Variants in SMAD1 observed in about 807,000 individuals in gnomAD.
The protein encoded by SMAD1 is SMAD family member 1, also known as MAD, mothers against decapentaplegic homolog 1.
A neutral mutation model predicts 41.6 loss-of-function variants in SMAD1; 6 were observed. The observed-to-expected ratio is 0.14, with a 90% CI of 0.08 to 0.28. SMAD1 has a LOEUF of 0.28. Ranked by LOEUF, SMAD1 falls within the 10% of genes least tolerant of loss-of-function variation. The pLI is 1.00. For synonymous variants in SMAD1, 206 were observed against 203.2 expected (o/e 1.01, Z -0.12); for missense variants, 379 against 582.6 (o/e 0.65, Z 3.60).
intron 2 of SMAD1, among the ~76,000 whole-genome samples, chr4:145,522,801 T>A (rs1246283514): frequency 1.3e-5 from 2 of 151,936 alleles, no homozygotes; most frequent in Non-Finnish European, 2.9e-5. Flanking sequence ...TGCCTCAGCC[T>A]CCTCAGTAGC....
At position 145,514,688 on chromosome 4, in the gene SMAD1, A is replaced by G; in HGVS notation, c.75A>G (p.Glu25=). 6.2e-7 allele frequency: 1 copy of G among 1,614,114 alleles called. No homozygotes were observed. The highest frequency in any genetic ancestry group is 2.2e-5 in the East Asian group (1 of 44,874). The change falls in exon 2 of 7, where the codon GAA becomes GAG. Residue 25 remains glutamate, a synonymous_variant. Transcript: ENST00000302085. The surrounding 1 kb of genome is among the most constrained non-coding windows in gnomAD (Gnocchi z 4.7). ...TTCTTGGGTGGAAACAGGGCGATGAAGAAGAAAAATGGGCAGAGAAAGCTG... is the reference window on the plus strand; with the variant it reads ...TTCTTGGGTGGAAACAGGGCGATGAGGAAGAAAAATGGGCAGAGAAAGCTG... ...KRLLGWKQGD[E]EEKWAEKAVD...
chr4:145,507,559 A>C (rs1054980722), intron 1 of SMAD1, among the ~76,000 whole-genome samples: 1 of 151,794 alleles, frequency 6.6e-6, no homozygotes, highest in Non-Finnish European at 1.5e-5. Flanking sequence ...TGCAAAAACA[A>C]TTTTCCCTTT....
At chr4:145,496,057 T>C (rs1013451855) in intron 1 of SMAD1, among the ~76,000 whole-genome samples, 1 of 152,206 alleles carries the variant, frequency 6.6e-6, no homozygotes, top group Admixed American at 6.5e-5. Flanking sequence ...AATGTCTTAT[T>C]CTAAGCTCTT....
intron 1 of SMAD1, chr4:145,497,760 A>G (rs998518996): frequency 5.3e-5 from 8 of 152,204 alleles, no homozygotes; most frequent in African/African-American, 1.7e-4. Flanking sequence ...ACCTAATTCT[A>G]TAGGTGATGC....
At chr4:145,486,292 T>C (rs1036161486) in intron 1 of SMAD1, among the ~76,000 whole-genome samples, 3 of 152,342 alleles carry the variant, frequency 2.0e-5, no homozygotes, top group African/African-American at 7.2e-5. Context: ...TATCTCTGCT[T>C]TTCTGCATAA....
At chr4:145,511,680 C>T (rs1215846752) in intron 1 of SMAD1, among the ~76,000 whole-genome samples, 1 of 152,134 alleles carries the variant, frequency 6.6e-6, no homozygotes, top group East Asian at 1.9e-4. Flanking sequence ...GTAAATTATA[C>T]TTTACCATGG....
At chr4:145,525,572 G>A (rs1730979333) in intron 2 of SMAD1, 1 of 149,198 alleles carries the variant, frequency 6.7e-6, no homozygotes, top group Non-Finnish European at 1.5e-5. Context: ...GCTGAATCTA[G>A]TTTGAATGTC....
chr4:145,529,281 A>G (rs368825362), intron 2 of SMAD1, among the ~76,000 whole-genome samples: 14 of 152,060 alleles, frequency 9.2e-5, no homozygotes, highest in African/African-American at 3.4e-4. Flanking sequence ...ACCTCTAACA[A>G]CTCTCGAAGT....
chr4:145,512,677 T>C (rs1020527936), intron 1 of SMAD1, among the ~76,000 whole-genome samples: 10 of 152,228 alleles, frequency 6.6e-5, no homozygotes, highest in Admixed American at 2.0e-4. Context: ...AAAGTCTGTT[T>C]CTGGTAACTC....
intron 2 of SMAD1, among the ~76,000 whole-genome samples, chr4:145,524,454 A>C (rs1302417039): frequency 1.3e-5 from 2 of 152,198 alleles, no homozygotes; most frequent in Non-Finnish European, 2.9e-5. Flanking sequence ...AAAGTACATA[A>C]GTTGTTATAC....
At chr4:145,501,259 C>T (rs907328490) in intron 1 of SMAD1, among the ~76,000 whole-genome samples, 6 of 152,152 alleles carry the variant, frequency 3.9e-5, no homozygotes, top group African/African-American at 1.4e-4. Flanking sequence ...CCCAGTTTTA[C>T]TGAATTAGGA....
intron 1 of SMAD1, among the ~76,000 whole-genome samples, chr4:145,491,839 G>A (rs2126940499): frequency 1.3e-5 from 2 of 152,172 alleles, no homozygotes; most frequent in South Asian, 4.2e-4. Flanking sequence ...ATTGAAATAG[G>A]CCCCTTTCTC....
chr4:145,521,707 C>A (rs1176977370), intron 2 of SMAD1, among the ~76,000 whole-genome samples: 2 of 152,070 alleles, frequency 1.3e-5, no homozygotes, highest in Admixed American at 1.3e-4. Flanking sequence ...CATAAAAGGG[C>A]AAAGTGAGAG....
intron 1 of SMAD1, among the ~76,000 whole-genome samples, chr4:145,495,386 A>G (rs1212202412): frequency 6.6e-6 from 1 of 152,192 alleles, no homozygotes; most frequent in African/African-American, 2.4e-5. Flanking sequence ...ATTATCTATA[A>G]GTAGCATTGT....
intron 2 of SMAD1, chr4:145,516,976 G>T (rs1403762636): frequency 1.3e-5 from 2 of 152,146 alleles, no homozygotes; most frequent in African/African-American, 4.8e-5. Flanking sequence ...CTATGAATAT[G>T]TCTTCTCCAT....
In SMAD1 at chr4:145,539,943, C is replaced by A; in HGVS notation, c.540C>A (p.Asn180Lys). Residue 180 changes from asparagine (N) to lysine (K), a missense_variant, in exon 3 of 7, where the codon AAC becomes AAA. By Grantham distance (94) the Asn-to-Lys change is moderately conservative (BLOSUM62 0). Transcript: ENST00000302085. The stretch of plus-strand genomic sequence containing the variant: ...TTCCAGATTCTTTCCAGCAACCCAA[C>A]AGCCACCCGTTTCCTCACTCTCCCA... The part of the protein sequence containing the change: ...ATFPDSFQQP[N>K]SHPFPHSPNS... 6.2e-7 allele frequency: 1 copy of A among 1,614,080 alleles called. No homozygotes were observed. The highest frequency in any genetic ancestry group is 8.5e-7 in the Non-Finnish European group (1 of 1,179,996).
At chr4:145,534,100 A>G (rs572054583) in intron 2 of SMAD1, among the ~76,000 whole-genome samples, 94 of 152,236 alleles carry the variant, frequency 6.2e-4, no homozygotes, top group Non-Finnish European at 1.1e-3. Flanking sequence ...GTACACCCTG[A>G]GGAGGCAGCT....
intron 4 of SMAD1, among the ~76,000 whole-genome samples, chr4:145,543,401 A>G (rs1052694859): frequency 6.6e-6 from 1 of 152,210 alleles, no homozygotes; most frequent in South Asian, 2.1e-4. Flanking sequence ...TTCTTCTGTA[A>G]TTAGGATAGA....
At chr4:145,527,069 A>G (rs1731053097) in intron 2 of SMAD1, among the ~76,000 whole-genome samples, 1 of 152,198 alleles carries the variant, frequency 6.6e-6, no homozygotes, top group East Asian at 1.9e-4. Context: ...TAGAATAGAA[A>G]CAAAATTTGT....
Sources: gnomAD v4.1 joint callset for allele counts (sites outside exome capture counted in the v4.1 genomes callset) on GRCh38, gnomAD v4.1.1 for gene constraint, Gnocchi (gnomAD v3.1) non-coding constraint, MANE v1.5 for transcripts, NCBI Gene and HGNC (gene_info 2026-07-23, HGNC 2026-07-21) for gene names.